RHBG: variants seen among roughly 807,000 people sequenced by gnomAD.
RHBG encodes the protein ammonium transporter Rh type B.
In RHBG, 39 loss-of-function variants were observed where a neutral mutation model predicts 40.1. The observed-to-expected ratio is 0.97, with a 90% CI of 0.75 to 1.27. The LOEUF is 1.27. Ranked by LOEUF, RHBG falls within the 50% of genes most tolerant of loss-of-function variation. RHBG has a pLI of 0.00. For missense variants in RHBG, 549 were observed against 588.1 expected (o/e 0.93, Z 0.69); for synonymous variants, 237 against 252.5 (o/e 0.94, Z 0.58).
At position 156,378,317 on chromosome 1, in the gene RHBG, G is replaced by A. The variant is rs371780489; in HGVS notation, c.591G>A (p.Ser197=). 454 of 1,614,020 alleles carry A rather than the reference G, an allele frequency of 2.8e-4. 1 individual carries two copies. In the Admixed American group the frequency reaches 3.6e-3, roughly 13 times the overall value. Residue 197 remains serine (S), a synonymous_variant, in exon 4 of 10, where the codon TCG becomes TCA. Coordinates refer to ENST00000537040, the MANE Select transcript of RHBG (RefSeq NM_020407.5). ...TFGAYFGLVL[S]RVLYRPQLEK... is the part of the protein sequence containing the mutation. ...GTGCCTACTTCGGGCTCGTCCTTTC[G>A]CGGGTTCTGTACAGGCCCCAGCTGG...
chr1:156,378,339 C>A lies in RHBG; in HGVS notation c.613C>A (p.Leu205Met). ...VLSRVLYRPQ[L>M]EKSKHRQGSV... is the part of the protein sequence containing the mutation. ...TTCGCGGGTTCTGTACAGGCCCCAG[C>A]TGGAGAAGAGCAAGCACCGCCAGGG... is the stretch of plus-strand genomic sequence containing the variant. Residue 205 changes from leucine (L) to methionine (M), a missense_variant, in exon 4 of 10, where the codon CTG becomes ATG. Leu to Met is a conservative substitution (Grantham distance 15). Transcript: ENST00000537040. The A allele has an allele frequency of 6.2e-7, 1 of 1,613,706 alleles. No individual in the cohort carries two copies. The highest frequency in any genetic ancestry group is 8.5e-7 in the Non-Finnish European group (1 of 1,179,770).
Position 156,369,331 on chromosome 1 carries a change from G to T in RHBG, c.82G>T (p.Val28Phe). The T allele has an allele frequency of 6.2e-7, 1 of 1,614,190 alleles. No individual in the cohort carries two copies. Residue 28 changes from valine to phenylalanine, a missense_variant, in exon 1 of 10, where the codon GTC becomes TTC. By Grantham distance (50) the Val-to-Phe change is conservative (BLOSUM62 -1). Around this residue, in one of 3 missense-constraint regions of RHBG, gnomAD observed 99 missense variants for 85.2 expected, o/e 1.16. Transcript: ENST00000537040. ...LCLFLQGATA[V>F]LFAVFVRYNH... ...CCTCTTCCTCCAGGGCGCCACTGCC[G>T]TCCTCTTTGCTGTCTTTGTCCGCTA...
Position 156,378,254 on chromosome 1 carries a change from G to A in RHBG, c.528G>A (p.Val176=), listed in dbSNP as rs766382820. Residue 176 remains valine, a splice_region_variant and synonymous_variant, in exon 4 of 10, where the codon GTG becomes GTA. Transcript: ENST00000537040. The part of the protein sequence containing the change: ...NEFVLLHLLG[V]RDAGGSMTIH... The stretch of plus-strand genomic sequence containing the variant: ...TGCCTCTCACCCCACCTCCCCAGGT[G>A]AGAGATGCCGGAGGCTCCATGACTA... 2.5e-6 allele frequency: 4 copies of A among 1,613,834 alleles called. No individual in the cohort carries two copies. The highest frequency in any genetic ancestry group is 1.1e-5 in the South Asian group (1 of 91,066).
chr1:156,382,960 T>A, intron 8 of RHBG, 91 bp downstream of exon 8: 1 of 1,560,426 alleles, frequency 6.4e-7, no homozygotes, highest in Non-Finnish European at 8.8e-7. Flanking sequence ...ATGGAGCATC[T>A]ACTTTGTGCC....
chr1:156,375,128 A>G (rs1291139226), intron 1 of RHBG, among the ~76,000 whole-genome samples: 1 of 151,786 alleles, frequency 6.6e-6, no homozygotes, highest in Non-Finnish European at 1.5e-5. Flanking sequence ...CTGGAGTACA[A>G]TGGCACTATC....
At chr1:156,374,852 C>A (rs983746755) in intron 1 of RHBG, 12 of 254,808 alleles carry the variant, frequency 4.7e-5, no homozygotes, top group African/African-American at 2.8e-4. Flanking sequence ...TCCCAAAGTG[C>A]TGGGATTACA....
intron 1 of RHBG, 130 bp downstream of exon 1, chr1:156,369,566 C>T (rs1666703969): frequency 1.1e-5 from 11 of 1,017,542 alleles, no homozygotes; most frequent in Middle Eastern, 2.2e-4. Context: ...GGTGGAGGGG[C>T]TCTGGGTTTA....
intron 1 of RHBG, among the ~76,000 whole-genome samples, chr1:156,376,942 G>T (rs541642736): frequency 6.6e-6 from 1 of 152,368 alleles, no homozygotes; most frequent in Non-Finnish European, 1.5e-5. Flanking sequence ...GTTGAAGTCT[G>T]TAGTGGGGAG....
At chr1:156,381,767 C>A (rs1571015260) in intron 5 of RHBG, 39 bp from the exon 6 acceptor site, 1 of 1,557,978 alleles carries the variant, frequency 6.4e-7, no homozygotes, top group Non-Finnish European at 8.6e-7. Context: ...GTGGGTGTGA[C>A]AATCTGAAAG....
At chr1:156,369,643 CACTT>C (rs1309905914) in intron 1 of RHBG, among the ~76,000 whole-genome samples, 1 of 152,150 alleles carries the variant, frequency 6.6e-6, no homozygotes, top group African/African-American at 2.4e-5. Context: ...TGCCTTATCT[CACTT>C]AGTCTATGAG....
In RHBG at chr1:156,382,228, A is replaced by T. The variant is rs1224919526; in HGVS notation, c.1112+27A>T. ...TGAGTTTCCTCCCAACCCGTACTGC[A>T]GTCGTCATCCATCTGGAATGACCTC... On this transcript the variant is annotated intron_variant, in intron 7 of 9. Coordinates refer to ENST00000537040, the MANE Select transcript of RHBG (RefSeq NM_020407.5). 1.9e-6 allele frequency: 3 copies of T among 1,614,070 alleles called. No individual in the cohort carries two copies. The South Asian group carries it at 3.3e-5, about 18-fold the overall frequency.
At chr1:156,383,556 G>A (rs1400514076) in intron 8 of RHBG, among the ~76,000 whole-genome samples, 6 of 150,220 alleles carry the variant, frequency 4.0e-5, no homozygotes, top group African/African-American at 1.2e-4. Flanking sequence ...GATTACAGGC[G>A]TGAGCCACCG....
In RHBG at chr1:156,377,262, G is replaced by A; in HGVS notation, c.188-39G>A. On this transcript the variant is annotated intron_variant, in intron 1 of 9. Coordinates refer to ENST00000537040, the MANE Select transcript of RHBG (RefSeq NM_020407.5). The surrounding 1 kb of genome is among the most constrained non-coding windows in gnomAD (Gnocchi z 4.6). ...GACTGGATTGTGGGCTATGGCTAGAGCAGCCCCCAAGTGCCCCGCCTGTCC... is the reference window on the plus strand; with the variant it reads ...GACTGGATTGTGGGCTATGGCTAGAACAGCCCCCAAGTGCCCCGCCTGTCC... 6.3e-7 allele frequency: 1 copy of A among 1,597,186 alleles called. No homozygotes were observed. The highest frequency in any genetic ancestry group is 1.1e-5 in the South Asian group (1 of 89,244).
At chr1:156,371,981 G>A (rs1381294855) in intron 1 of RHBG, 1 of 152,282 alleles carries the variant, frequency 6.6e-6, no homozygotes, top group Non-Finnish European at 1.5e-5. Flanking sequence ...GAAGGTTGGG[G>A]AGGCGGGAGG....
chr1:156,385,065 C>A lies in RHBG; in HGVS notation c.*220C>A. On this transcript the variant is annotated 3_prime_UTR_variant, in exon 10 of 10. Transcript: ENST00000537040. ...CGTAACTGGGTACAATAGGGGGAACCTCACCAGATGCCCAACCCGACTGCC... is the reference window on the plus strand; with the variant it reads ...CGTAACTGGGTACAATAGGGGGAACATCACCAGATGCCCAACCCGACTGCC... 1 of 499,824 alleles carries A rather than the reference C, an allele frequency of 2.0e-6. No individual in the cohort carries two copies. Among genetic ancestry groups the A allele is most frequent in the Admixed American group, 3.2e-5 (1 of 31,208 alleles). 31.0% of individuals were successfully genotyped at this position (499,824 alleles called of 1,614,324 possible). A position where few individuals can be genotyped will look rare whatever the true frequency, so the allele number is the denominator to read the frequency against.
intron 9 of RHBG, 35 bp downstream of exon 9, chr1:156,384,635 C>T: frequency 6.4e-7 from 1 of 1,553,090 alleles, no homozygotes; most frequent in South Asian, 1.2e-5. Context: ...CCCTCTGAGT[C>T]TCCCTTCCCT....
intron 8 of RHBG, 49 bp from the exon 9 acceptor site, chr1:156,384,478 C>A: frequency 6.3e-7 from 1 of 1,577,200 alleles, no homozygotes; most frequent in Non-Finnish European, 8.7e-7. Flanking sequence ...CACCCTCCTC[C>A]ATGGTGGGGG....
At chr1:156,371,370 G>C (rs1231562869) in intron 1 of RHBG, 1 of 305,536 alleles carries the variant, frequency 3.3e-6, no homozygotes, top group Non-Finnish European at 6.3e-6. Context: ...ATGTTGGCCA[G>C]GCTGGTCTTG....
Position 156,384,857 on chromosome 1 carries a change from C to T in RHBG, c.*12C>T. The T allele has an allele frequency of 1.9e-6, 3 of 1,565,850 alleles. No individual in the cohort carries two copies. Among genetic ancestry groups the T allele is most frequent in the Non-Finnish European group, 2.6e-6 (3 of 1,138,650 alleles). ...ACACTCAGGCCTAACCCACTGCCAGCCCCTGAGAGGACACGCTCCTTTTCG... is the reference window on the plus strand; with the variant it reads ...ACACTCAGGCCTAACCCACTGCCAGTCCCTGAGAGGACACGCTCCTTTTCG... On this transcript the variant is annotated 3_prime_UTR_variant, in exon 10 of 10. Transcript: ENST00000537040.
Sources: gnomAD v4.1 joint callset for allele counts (sites outside exome capture counted in the v4.1 genomes callset) on GRCh38, gnomAD v4.1.1 for gene constraint, gnomAD v4.1.1 regional missense constraint, Gnocchi (gnomAD v3.1) non-coding constraint, MANE v1.5 for transcripts, NCBI Gene and HGNC (gene_info 2026-07-23, HGNC 2026-07-21) for gene names.